Variants in NOD1 observed in about 807,000 individuals in gnomAD.
The protein encoded by NOD1 is nucleotide binding oligomerization domain containing 1.
In NOD1, 70 loss-of-function variants were observed where a neutral mutation model predicts 81.2. The ratio of observed to expected loss-of-function variants is 0.86; its 90% CI spans 0.71 to 1.05. NOD1 has a LOEUF of 1.05. NOD1 is among the 50% of genes least tolerant of loss of function. The pLI, the probability that NOD1 is intolerant of heterozygous loss-of-function variation, is 0.00. For synonymous variants in NOD1, 508 were observed against 526.9 expected (o/e 0.96, Z 0.49); for missense variants, 1,233 against 1,228.0 (o/e 1.00, Z -0.06).
At chr7:30,429,561 CAG>C (rs1783766512) in intron 12 of NOD1, 104 bp from the exon 13 acceptor site, 3 of 942,014 alleles carry the variant, frequency 3.2e-6, no homozygotes, top group South Asian at 2.7e-5. Flanking sequence ...ACAAGTTGGT[CAG>C]GGGAAGAACT....
Position 30,452,474 on chromosome 7 carries a change from C to A in NOD1, c.943G>T (p.Ala315Ser). Residue 315 changes from alanine (A) to serine (S), a missense_variant, in exon 6 of 14, where the codon GCC becomes TCC. Ala to Ser is a moderately conservative substitution (Grantham distance 99, BLOSUM62 1). Coordinates refer to ENST00000222823, the MANE Select transcript of NOD1 (RefSeq NM_006092.4). ...AGCAGCTTCCCACTGAGCAGGTTGG[C>A]CAGCAAGACCAGGGGGTGGGCAGGC... Reference protein sequence around the residue: ...WEPAHPLVLLANLLSGKLLKG... With the variant: ...WEPAHPLVLLSNLLSGKLLKG... The A allele has an allele frequency of 6.2e-7, 1 of 1,613,154 alleles. No individual in the cohort carries two copies. Among genetic ancestry groups the A allele is most frequent in the Non-Finnish European group, 8.5e-7 (1 of 1,179,908 alleles).
chr7:30,459,750 C>G (rs774871732), intron 2 of NOD1, among the ~76,000 whole-genome samples, 151 bp downstream of exon 2: 3 of 152,186 alleles, frequency 2.0e-5, no homozygotes, highest in Non-Finnish European at 4.4e-5. Context: ...TGAGAGAAAA[C>G]TGGAAAGAAG....
intron 9 of NOD1, among the ~76,000 whole-genome samples, chr7:30,439,441 T>G (rs1224711624): frequency 1.4e-5 from 2 of 141,314 alleles, no homozygotes; most frequent in African/African-American, 3.0e-5. Flanking sequence ...TTGCCTCACC[T>G]GGGAAGCGCA....
intron 4 of NOD1, 136 bp downstream of exon 4, chr7:30,456,585 G>T: frequency 1.4e-6 from 1 of 692,386 alleles, no homozygotes; most frequent in Non-Finnish European, 2.5e-6. Context: ...AGGCATTTGT[G>T]TGCTATTAGT....
chr7:30,466,696 G>A (rs530515355), intron 1 of NOD1, among the ~76,000 whole-genome samples: 9 of 152,146 alleles, frequency 5.9e-5, no homozygotes, highest in East Asian at 1.9e-4. Context: ...AAAAACCTTC[G>A]TTGTCTGAGC....
chr7:30,462,431 T>G lies in NOD1; in HGVS notation c.-351-2390A>C, dbSNP rs548147463. Among the ~76,000 whole-genome samples the G allele has an allele frequency of 5.0e-3, 763 of 152,034 alleles. 5 individuals are homozygous for G. The highest frequency in any genetic ancestry group is 0.018 in the African/African-American group (737 of 41,494). ...AGAATCAGGGGTTCTGATGGGTTTT[T>G]TTTTTTTTTTTGCTGTTTTTTCTTT... On this transcript the variant is annotated intron_variant, in intron 1 of 13. Coordinates refer to ENST00000222823, the MANE Select transcript of NOD1 (RefSeq NM_006092.4).
Position 30,452,541 on chromosome 7 carries a change from G to T in NOD1, c.876C>A (p.Asp292Glu). ...TFDGLDELHS[D>E]LDLSRVPDSS... ...TGTCAGGCACGCGGCTCAGGTCCAAGTCCGAGTGCAGCTCGTCCAGGCCAT... is the reference window on the plus strand; with the variant it reads ...TGTCAGGCACGCGGCTCAGGTCCAATTCCGAGTGCAGCTCGTCCAGGCCAT... The change falls in exon 6 of 14, where the codon GAC (aspartate) becomes GAA (glutamate). Residue 292 changes from aspartate to glutamate, a missense_variant. By Grantham distance (45) the Asp-to-Glu change is conservative (BLOSUM62 2). Transcript: ENST00000222823. 6.2e-7 allele frequency: 1 copy of T among 1,613,190 alleles called. No homozygotes were observed. Among genetic ancestry groups the T allele is most frequent in the Non-Finnish European group, 8.5e-7 (1 of 1,179,978 alleles).
At chr7:30,461,388 G>A (rs1787057025) in intron 1 of NOD1, among the ~76,000 whole-genome samples, 1 of 152,126 alleles carries the variant, frequency 6.6e-6, no homozygotes, top group African/African-American at 2.4e-5. Flanking sequence ...ATATTGCCCA[G>A]GCTGGTCTTG....
chr7:30,469,169 G>A lies in NOD1; in HGVS notation c.-351-9128C>T, dbSNP rs1788014092. ...TACAATTTCTTAAGGAACTTAACCT[G>A]GAAAACAAGCCCGGTCATGTGGGCC... is the stretch of plus-strand genomic sequence containing the variant. On this transcript the variant is annotated intron_variant, in intron 1 of 13. Transcript: ENST00000222823. The A allele has an allele frequency of 3.0e-6, 3 of 985,242 alleles. No individual in the cohort carries two copies. The South Asian group carries it at 1.4e-4, about 46-fold the overall frequency. The allele number at this position is 985,242 out of a possible 1,614,324, so 61.0% of individuals were successfully genotyped here.
chr7:30,455,290 C>G lies in NOD1; in HGVS notation c.223G>C (p.Val75Leu), dbSNP rs762216677. 6.2e-7 allele frequency: 1 copy of G among 1,613,868 alleles called. No homozygotes were observed. Among genetic ancestry groups the G allele is most frequent in the Admixed American group, 1.7e-5 (1 of 60,012 alleles). Residue 75 changes from valine to leucine, a missense_variant, in exon 5 of 14, where the codon GTA becomes CTA. Val to Leu is a conservative substitution (Grantham distance 32). Coordinates refer to ENST00000222823, the MANE Select transcript of NOD1 (RefSeq NM_006092.4). ...PDKVRKILDLVQSKGEEVSEF... is the reference protein window; with the variant it reads ...PDKVRKILDLLQSKGEEVSEF... ...GACACCTCCTCGCCCTTGCTCTGTA[C>G]CAGGTCCAGAATTTTGCGGACCTGG...
chr7:30,439,249 G>GACATTTGTATGCCCAT (rs1784656577), intron 9 of NOD1, among the ~76,000 whole-genome samples: 2 of 151,178 alleles, frequency 1.3e-5, no homozygotes, highest in African/African-American at 4.9e-5. Flanking sequence ...ATTGGAGGGA[G>GACATTTGTATGCCCAT]GAGCCAAGAT....
chr7:30,428,435 C>CACTT (rs1783649791), intron 13 of NOD1: 1 of 152,116 alleles, frequency 6.6e-6, no homozygotes, highest in Non-Finnish European at 1.5e-5. Flanking sequence ...TGTGAACCAA[C>CACTT]ACTTATGCAA....
rs1412951669 is a variant in NOD1, at chr7:30,451,425, GCT to G, written c.1990_1991del (p.Ser664ProfsTer78). 6.2e-7 allele frequency: 1 copy of G among 1,613,862 alleles called. No individual in the cohort carries two copies. Among genetic ancestry groups the G allele is most frequent in the Non-Finnish European group, 8.5e-7 (1 of 1,180,026 alleles). On this transcript the variant is annotated frameshift_variant, in exon 6 of 14. Coordinates refer to ENST00000222823, the MANE Select transcript of NOD1 (RefSeq NM_006092.4). LOFTEE classifies it high-confidence loss of function. This position sits in a 1 kb window ranked among gnomAD's most constrained non-coding sequence, Gnocchi z 4.2. ...WMLRCIYETQ[S>X]QKVGQLAARG... Reference sequence around the variant, plus strand: ...TGGCCGCCAGCTGCCCCACCTTCTGGCTCTGTGTCTCGTAGATGCAGCGCAGC... The same window carrying G: ...TGGCCGCCAGCTGCCCCACCTTCTGGCTGTGTCTCGTAGATGCAGCGCAGC...
In NOD1 at chr7:30,448,360, A is replaced by AC; in HGVS notation, c.2222_2223insG (p.Asp742Ter). ...CGCTTAGCACCTTTACCCCACCGTCAGTGATCTGGTTTACGCTGAGTCTGA... is the reference window on the plus strand; with the variant it reads ...CGCTTAGCACCTTTACCCCACCGTCACGTGATCTGGTTTACGCTGAGTCTGA... On this transcript the variant is annotated frameshift_variant, in exon 7 of 14. Transcript: ENST00000222823. LOFTEE classifies it high-confidence loss of function. 6.2e-7 allele frequency: 1 copy of AC among 1,614,184 alleles called. No homozygotes were observed. Among genetic ancestry groups the AC allele is most frequent in the South Asian group, 1.1e-5 (1 of 91,082 alleles).
intron 5 of NOD1, 96 bp from the exon 6 acceptor site, chr7:30,453,136 T>C (rs1785973161): frequency 7.2e-7 from 1 of 1,381,570 alleles, no homozygotes; most frequent in East Asian, 2.3e-5. Context: ...GGCGAGTGCA[T>C]AAACAAAATT....
Position 30,446,212 on chromosome 7 carries a change from GT to G in NOD1, c.2381del (p.Asn794ThrfsTer3). 6.2e-7 allele frequency: 1 copy of G among 1,613,916 alleles called. No individual in the cohort carries two copies. Among genetic ancestry groups the G allele is most frequent in the Non-Finnish European group, 8.5e-7 (1 of 1,179,838 alleles). On this transcript the variant is annotated frameshift_variant, in exon 9 of 14. Coordinates refer to ENST00000222823, the MANE Select transcript of NOD1 (RefSeq NM_006092.4). LOFTEE classifies it high-confidence loss of function. ...ACTTCCCTCCTTCACTTGTTATTTTGTTTTTTCCCAGTCTGCAGAGAGAGTC... is the reference window on the plus strand; with the variant it reads ...ACTTCCCTCCTTCACTTGTTATTTTGTTTTTCCCAGTCTGCAGAGAGAGTC... ...KGLTHLKLGKNKITSEGGKYL... is the reference protein window; with the variant it reads ...KGLTHLKLGKXKITSEGGKYL...
rs947197886 is a variant in NOD1 at position 30,467,049 on chromosome 7, G to A, written c.-351-7008C>T. On this transcript the variant is annotated intron_variant, in intron 1 of 13. Transcript: ENST00000222823. The surrounding 1 kb of genome is among the most constrained non-coding windows in gnomAD (Gnocchi z 4.5). ...ATCCCTAAAAGCCAAGCCGACCAGT[G>A]ATGAAAAAGAACACGGTGGAGCTGC... Among the ~76,000 whole-genome samples the A allele has an allele frequency of 6.6e-6, 1 of 152,198 alleles. No individual in the cohort carries two copies. Among genetic ancestry groups the A allele is most frequent in the African/African-American group, 2.4e-5 (1 of 41,448 alleles).
chr7:30,425,824 T>G (rs1783401502), intron 13 of NOD1, 114 bp from the exon 14 acceptor site: 1 of 771,810 alleles, frequency 1.3e-6, no homozygotes, highest in African/African-American at 1.7e-5. Flanking sequence ...TACACATGTA[T>G]CCCTGAAATT....
intron 1 of NOD1, among the ~76,000 whole-genome samples, chr7:30,475,262 C>T (rs1382725038): frequency 1.3e-5 from 2 of 152,144 alleles, no homozygotes; most frequent in Non-Finnish European, 2.9e-5. Context: ...CAATTCTGAC[C>T]CTAACCTGTA....
Sources: gnomAD v4.1 joint callset for allele counts (sites outside exome capture counted in the v4.1 genomes callset) on GRCh38, gnomAD v4.1.1 for gene constraint, Gnocchi (gnomAD v3.1) non-coding constraint, MANE v1.5 for transcripts, NCBI Gene and HGNC (gene_info 2026-07-23, HGNC 2026-07-21) for gene names.